Variants in CEP63 observed in about 807,000 individuals in gnomAD.
The protein encoded by CEP63 is centrosomal protein of 63 kDa.
A neutral mutation model predicts 89.1 loss-of-function variants in CEP63; 84 were observed. The observed-to-expected ratio is 0.94, with a 90% CI of 0.79 to 1.13. CEP63 has a LOEUF of 1.13. Ranked by LOEUF, CEP63 falls within the 50% of genes most tolerant of loss-of-function variation. The pLI is 0.00. For missense variants in CEP63, 838 were observed against 813.3 expected, an observed-to-expected ratio of 1.03 and a Z score of -0.37; for synonymous variants, 267 against 272.5, an observed-to-expected ratio of 0.98 and a Z score of 0.20.
intron 6 of CEP63, among the ~76,000 whole-genome samples, chr3:134,541,586 G>A (rs1952015638): frequency 6.7e-6 from 1 of 149,164 alleles, no homozygotes; most frequent in Admixed American, 6.7e-5. Flanking sequence ...CACAATCTCG[G>A]CTCGCTGCAA....
downstream of CEP63, among the ~76,000 whole-genome samples, chr3:134,579,137 C>T (rs1485303658): frequency 6.6e-6 from 1 of 152,186 alleles, no homozygotes; most frequent in Non-Finnish European, 1.5e-5. Context: ...TGTATGTATA[C>T]ATATTCACAA....
chr3:134,509,597 A>G (rs1187400884), intron 3 of CEP63, among the ~76,000 whole-genome samples: 5 of 152,184 alleles, frequency 3.3e-5, no homozygotes, highest in African/African-American at 9.7e-5. Flanking sequence ...TTATATCTTC[A>G]TTAAAGGAGC....
the CEP63 span, among the ~76,000 whole-genome samples, chr3:134,634,717 T>G: frequency 6.6e-6 from 1 of 152,162 alleles, no homozygotes; most frequent in Non-Finnish European, 1.5e-5. Flanking sequence ...CAAATGCAGA[T>G]GGAGAGTACT....
upstream of CEP63, chr3:134,485,991 G>GGGCCCC: frequency 2.1e-6 from 2 of 938,162 alleles, no homozygotes; most frequent in Non-Finnish European, 2.5e-6. Flanking sequence ...CTCCTGCCAC[G>GGGCCCC]CCCCCCCCCC....
At chr3:134,583,655 C>T (rs1223378960) in intron 10 of CEP63, among the ~76,000 whole-genome samples, 1 of 152,120 alleles carries the variant, frequency 6.6e-6, no homozygotes, top group African/African-American at 2.4e-5. Flanking sequence ...ATTGTCTTGG[C>T]TATGAGGGCT....
the CEP63 span, among the ~76,000 whole-genome samples, chr3:134,729,493 C>T: frequency 1.3e-5 from 2 of 152,174 alleles, no homozygotes; most frequent in East Asian, 3.9e-4. Context: ...CTTATTAGTC[C>T]CTAGTTCTGC....
At chr3:134,608,649 C>A in the CEP63 span, 1 of 1,614,026 alleles carries the variant, frequency 6.2e-7, no homozygotes, top group South Asian at 1.1e-5. Context: ...CCGGGCTCAC[C>A]TGTTCTGATC....
At chr3:134,523,147 G>T (rs1369814714) in intron 3 of CEP63, among the ~76,000 whole-genome samples, 1 of 152,162 alleles carries the variant, frequency 6.6e-6, no homozygotes, top group Non-Finnish European at 1.5e-5. Flanking sequence ...TTTCTCTTAA[G>T]ATCAATGATG....
chr3:134,759,858 A>C, the CEP63 span, among the ~76,000 whole-genome samples: 4 of 152,212 alleles, frequency 2.6e-5, no homozygotes, highest in East Asian at 7.7e-4. Context: ...ACATACTTTT[A>C]AGTCTTCACA....
At chr3:134,697,440 T>C in the CEP63 span, among the ~76,000 whole-genome samples, 1 of 152,174 alleles carries the variant, frequency 6.6e-6, no homozygotes, top group East Asian at 1.9e-4. Flanking sequence ...CGTGGCTTTC[T>C]GAAAACATGC....
chr3:134,680,840 C>T, the CEP63 span, among the ~76,000 whole-genome samples: 1 of 152,332 alleles, frequency 6.6e-6, no homozygotes, highest in South Asian at 2.1e-4. Flanking sequence ...AGGACTTCAA[C>T]GAGGGCCTTT....
the CEP63 span, among the ~76,000 whole-genome samples, chr3:134,622,693 T>C: frequency 6.6e-6 from 1 of 152,204 alleles, no homozygotes; most frequent in Non-Finnish European, 1.5e-5. Context: ...TGTTATTTTA[T>C]GATAAAAAAA....
At chr3:134,713,541 C>T in the CEP63 span, among the ~76,000 whole-genome samples, 1 of 152,200 alleles carries the variant, frequency 6.6e-6, no homozygotes, top group African/African-American at 2.4e-5. Flanking sequence ...AAGGAAGGAG[C>T]TTGGATCCTA....
At chr3:134,490,045 A>C (rs1326342581) in intron 1 of CEP63, among the ~76,000 whole-genome samples, 1 of 152,132 alleles carries the variant, frequency 6.6e-6, no homozygotes, top group African/African-American at 2.4e-5. Flanking sequence ...TCTGGTCTTC[A>C]AGGAGCCGTG....
At chr3:134,651,178 C>G in the CEP63 span, 21 of 1,389,318 alleles carry the variant, frequency 1.5e-5, no homozygotes, top group African/African-American at 2.9e-5. Flanking sequence ...TGAAGCGGCT[C>G]TAAGTCACCT....
chr3:134,614,059 T>C, the CEP63 span, among the ~76,000 whole-genome samples: 2 of 152,110 alleles, frequency 1.3e-5, no homozygotes, highest in Admixed American at 6.5e-5. Flanking sequence ...GATGTGCTGA[T>C]AGTTGGAAGG....
the CEP63 span, among the ~76,000 whole-genome samples, chr3:134,707,744 T>C: frequency 2.0e-5 from 3 of 147,874 alleles, no homozygotes; most frequent in African/African-American, 7.4e-5. Flanking sequence ...CTTTTCTTTT[T>C]TTTTTTTTTT....
chr3:134,691,233 C>G, the CEP63 span, among the ~76,000 whole-genome samples: 1 of 151,418 alleles, frequency 6.6e-6, no homozygotes, highest in African/African-American at 2.4e-5. Flanking sequence ...TGCTGTATGC[C>G]TGTAGTCCCA....
chr3:134,759,456 A>T, the CEP63 span, among the ~76,000 whole-genome samples: 1 of 152,248 alleles, frequency 6.6e-6, no homozygotes, highest in Non-Finnish European at 1.5e-5. Flanking sequence ...AGACTAATCT[A>T]GCATCCCAAT....
Sources: allele counts gnomAD v4.1 joint callset (sites outside exome capture counted in the v4.1 genomes callset), GRCh38; gene constraint gnomAD v4.1.1; transcripts MANE v1.5; gene names NCBI Gene and HGNC (gene_info 2026-07-23, HGNC 2026-07-21).